Variants in CPN1 observed in about 807,000 individuals in gnomAD.
The protein encoded by CPN1 is carboxypeptidase N subunit 1.
A neutral mutation model predicts 46.4 loss-of-function variants in CPN1; 37 were observed. The ratio of observed to expected loss-of-function variants is 0.80; its 90% CI spans 0.61 to 1.05. CPN1 has a LOEUF of 1.05. Among genes scored for constraint, CPN1 ranks in the 50% least tolerant of loss-of-function variants. The pLI is 0.00. For missense variants in CPN1, 563 were observed against 602.6 expected (o/e 0.93, Z 0.69); for synonymous variants, 224 against 235.4 (o/e 0.95, Z 0.44).
chr10:100,060,908 A>G (rs12782078), intron 5 of CPN1, among the ~76,000 whole-genome samples: 46,065 of 152,082 alleles, frequency 0.3, 7,819 homozygotes, highest in Non-Finnish European at 0.4. Flanking sequence ...TGGCACATAT[A>G]CACAATGGAG....
chr10:100,061,656 T>C (rs1250967885), intron 5 of CPN1, among the ~76,000 whole-genome samples: 1 of 152,094 alleles, frequency 6.6e-6, no homozygotes, highest in African/African-American at 2.4e-5. Flanking sequence ...TGATTCTCAG[T>C]GGAGGCATGG....
chr10:100,073,022 G>A (rs950327942), intron 2 of CPN1, among the ~76,000 whole-genome samples: 15 of 152,106 alleles, frequency 9.9e-5, no homozygotes, highest in African/African-American at 3.1e-4. Context: ...ATGAATCGCC[G>A]TTCTCATATT....
At chr10:100,078,268 T>C (rs1000553241) in intron 1 of CPN1, among the ~76,000 whole-genome samples, 1 of 152,340 alleles carries the variant, frequency 6.6e-6, no homozygotes, top group African/African-American at 2.4e-5. Context: ...TTGTCCAGAC[T>C]GGTCTGAAAC....
At chr10:100,054,899 C>A (rs1025692657) in intron 6 of CPN1, among the ~76,000 whole-genome samples, 1 of 143,028 alleles carries the variant, frequency 7.0e-6, no homozygotes, top group Non-Finnish European at 1.5e-5. Flanking sequence ...TAGTAAAATA[C>A]ACATAAAATA....
chr10:100,073,568 C>G (rs56281963), intron 2 of CPN1, among the ~76,000 whole-genome samples: 1 of 150,888 alleles, frequency 6.6e-6, no homozygotes, highest in Non-Finnish European at 1.5e-5. Context: ...CAAGGTGTCT[C>G]TCCAGTTTCT....
Position 100,063,709 on chromosome 10 carries a change from G to A in CPN1, c.776C>T (p.Ser259Phe). The change falls in exon 5 of 9, where the codon TCC becomes TTC. Residue 259 changes from serine to phenylalanine, a missense_variant. Ser to Phe is a radical substitution (Grantham distance 155). Transcript: ENST00000370418. ...TTGGAACATCCATCCATGTGCATAG[G>A]AGTAGACCTTGGCCAGCTAGAGGAA... is the stretch of plus-strand genomic sequence containing the variant. ...KLFQKLAKVY[S>F]YAHGWMFQGW... is the part of the protein sequence containing the mutation. 1 of 1,613,980 alleles carries A rather than the reference G, an allele frequency of 6.2e-7. No homozygotes were observed. The highest frequency in any genetic ancestry group is 1.1e-5 in the South Asian group (1 of 91,082).
chr10:100,054,522 TTTCTC>T, intron 6 of CPN1, 76 bp from the exon 7 acceptor site: 5 of 1,210,760 alleles, frequency 4.1e-6, no homozygotes, highest in Non-Finnish European at 6.1e-6. Context: ...CTCAAAGCCC[TTTCTC>T]TTATGTTTTT....
intron 7 of CPN1, among the ~76,000 whole-genome samples, chr10:100,053,750 C>T (rs148543944): frequency 2.0e-5 from 3 of 152,114 alleles, no homozygotes; most frequent in African/African-American, 7.2e-5. Flanking sequence ...ACAAGTTGTG[C>T]ATGATCAAGC....
Position 100,069,763 on chromosome 10 carries a change from T to A in CPN1, c.527A>T (p.Tyr176Phe), listed in dbSNP as rs369429301. The change falls in exon 3 of 9, where the codon TAC (tyrosine) becomes TTC (phenylalanine). Residue 176 changes from tyrosine (Y) to phenylalanine (F), a missense_variant. Transcript: ENST00000370418. ...LNTYIYYNEK[Y>F]GGPNHHLPLP... Reference sequence around the variant, plus strand: ...GGGCAGGTGGTGGTTGGGGCCTCCGTACTTCTCGTTATAGTAGATATAGGT... The same window carrying A: ...GGGCAGGTGGTGGTTGGGGCCTCCGAACTTCTCGTTATAGTAGATATAGGT... The A allele has an allele frequency of 1.9e-6, 3 of 1,613,828 alleles. No individual in the cohort carries two copies. Among genetic ancestry groups the A allele is most frequent in the Non-Finnish European group, 2.5e-6 (3 of 1,179,996 alleles).
intron 3 of CPN1, among the ~76,000 whole-genome samples, chr10:100,066,460 T>G (rs1589476584): frequency 6.6e-6 from 1 of 152,242 alleles, no homozygotes. Context: ...TCCTCCCTGC[T>G]GTAATATTGA....
At chr10:100,074,479 G>A (rs942032879) in intron 2 of CPN1, among the ~76,000 whole-genome samples, 1 of 152,118 alleles carries the variant, frequency 6.6e-6, no homozygotes, top group African/African-American at 2.4e-5. Context: ...GCAATGGCAC[G>A]ATCTCGGCTC....
At chr10:100,055,351 C>A (rs569407127) in intron 6 of CPN1, among the ~76,000 whole-genome samples, 2 of 147,290 alleles carry the variant, frequency 1.4e-5, no homozygotes, top group Non-Finnish European at 3.0e-5. Context: ...CTCCATTATC[C>A]CCCCCCCCAG....
chr10:100,046,250 T>C (rs1297003515), intron 8 of CPN1, among the ~76,000 whole-genome samples: 1 of 152,200 alleles, frequency 6.6e-6, no homozygotes, highest in African/African-American at 2.4e-5. Flanking sequence ...CACAGAAGAA[T>C]GCAAGCCCGC....
At chr10:100,069,247 G>C (rs558654179) in intron 3 of CPN1, among the ~76,000 whole-genome samples, 1 of 152,320 alleles carries the variant, frequency 6.6e-6, no homozygotes, top group East Asian at 1.9e-4. Context: ...ACTTTGGGAG[G>C]CTGAGGCAGG....
At chr10:100,067,460 T>C (rs1189362566) in intron 3 of CPN1, among the ~76,000 whole-genome samples, 8 of 152,188 alleles carry the variant, frequency 5.3e-5, no homozygotes, top group African/African-American at 9.7e-5. Context: ...ACCAAGAGGA[T>C]AGTTGCTGTT....
Position 100,081,481 on chromosome 10 carries a change from A to G in CPN1, c.145T>C (p.Tyr49His), listed in dbSNP as rs750176724. The G allele has an allele frequency of 1.2e-6, 2 of 1,614,166 alleles. No homozygotes were observed. Among genetic ancestry groups the G allele is most frequent in the Admixed American group, 3.3e-5 (2 of 60,024 alleles). Reference protein sequence around the residue: ...QNECPGITRVYSIGRSVEGRH... With the variant: ...QNECPGITRVHSIGRSVEGRH... Reference sequence around the variant, plus strand: ...CCCTCCACGCTGCGCCCAATGCTGTAGACCCGCGTGATGCCGGGGCATTCG... The same window carrying G: ...CCCTCCACGCTGCGCCCAATGCTGTGGACCCGCGTGATGCCGGGGCATTCG... The change falls in exon 1 of 9, where the codon TAC becomes CAC. Residue 49 changes from tyrosine (Y) to histidine (H), a missense_variant. By Grantham distance (83) the Tyr-to-His change is moderately conservative (BLOSUM62 2). Coordinates refer to ENST00000370418, the MANE Select transcript of CPN1 (RefSeq NM_001308.3).
intron 7 of CPN1, 142 bp downstream of exon 7, chr10:100,054,205 C>G: frequency 1.4e-6 from 1 of 703,304 alleles, no homozygotes; most frequent in Non-Finnish European, 2.6e-6. Flanking sequence ...TTTTCATTGC[C>G]CTTCTTTCCT....
intron 1 of CPN1, among the ~76,000 whole-genome samples, chr10:100,078,235 T>C (rs1218453489): frequency 6.6e-6 from 1 of 152,134 alleles, no homozygotes; most frequent in African/African-American, 2.4e-5. Context: ...AAAAAATTTA[T>C]TACAGAGACA....
At chr10:100,050,348 T>C (rs2041343216) in intron 7 of CPN1, among the ~76,000 whole-genome samples, 1 of 142,932 alleles carries the variant, frequency 7.0e-6, no homozygotes, top group South Asian at 2.1e-4. Context: ...AGCAAGATTC[T>C]GTCTCAAATA....
Sources: gnomAD v4.1 joint callset for allele counts (sites outside exome capture counted in the v4.1 genomes callset) on GRCh38, gnomAD v4.1.1 for gene constraint, MANE v1.5 for transcripts, NCBI Gene and HGNC (gene_info 2026-07-23, HGNC 2026-07-21) for gene names.